Variants in PDCD6IP observed in about 807,000 individuals in gnomAD.
PDCD6IP encodes the protein programmed cell death 6 interacting protein, also known as programmed cell death 6-interacting protein.
PDCD6IP carries 43 observed loss-of-function variants against 103.7 expected under a neutral mutation model. The ratio of observed to expected loss-of-function variants is 0.41; its 90% CI spans 0.32 to 0.53. The LOEUF is 0.53. Ranked by LOEUF, PDCD6IP falls within the 20% of genes least tolerant of loss-of-function variation. The pLI, the probability that PDCD6IP is intolerant of heterozygous loss-of-function variation, is 0.16. For synonymous variants in PDCD6IP, 354 were observed against 378.7 expected, an observed-to-expected ratio of 0.93 and a Z score of 0.76; for missense variants, 871 against 1,036.7, an observed-to-expected ratio of 0.84 and a Z score of 2.20.
Position 33,852,741 on chromosome 3 carries a change from A to G in PDCD6IP, c.1890+5A>G. The G allele has an allele frequency of 1.3e-6, 2 of 1,581,656 alleles. No individual in the cohort carries two copies. Among genetic ancestry groups the G allele is most frequent in the Non-Finnish European group, 1.7e-6 (2 of 1,169,352 alleles). Reference sequence around the variant, plus strand: ...GGACTTCTTAAAAATATTCAGGTGAAATTTATATATTTAATAAGATCTGTG... The same window carrying G: ...GGACTTCTTAAAAATATTCAGGTGAGATTTATATATTTAATAAGATCTGTG... On this transcript the variant is annotated splice_donor_5th_base_variant and intron_variant, in intron 13 of 17. Transcript: ENST00000307296.
chr3:33,862,016 G>A (rs141098115), intron 15 of PDCD6IP, among the ~76,000 whole-genome samples: 1 of 151,988 alleles, frequency 6.6e-6, no homozygotes, highest in East Asian at 1.9e-4. Context: ...TAATAGCATT[G>A]ATTTATATCT....
At position 33,828,969 on chromosome 3, in the gene PDCD6IP, G is replaced by A. The variant is rs1236610377; in HGVS notation, c.834G>A (p.Gln278=). 1 of 1,597,436 alleles carries A rather than the reference G, an allele frequency of 6.3e-7. No individual in the cohort carries two copies. Among genetic ancestry groups the A allele is most frequent in the Non-Finnish European group, 8.5e-7 (1 of 1,171,730 alleles). ...TTGGAGAAGAAATTGCAAGGTTACA[G>A]GTGAGTCTCTTGGTAATAAATATTT... ...KKFGEEIARL[Q]HAAELIKTVA... The change falls in exon 7 of 18, where the codon CAG becomes CAA. Residue 278 remains glutamine (Q), a splice_region_variant and synonymous_variant. Coordinates refer to ENST00000307296, the MANE Select transcript of PDCD6IP (RefSeq NM_013374.6).
chr3:33,805,646 C>G (rs1696578318), intron 1 of PDCD6IP, among the ~76,000 whole-genome samples: 1 of 151,380 alleles, frequency 6.6e-6, no homozygotes, highest in Non-Finnish European at 1.5e-5. Context: ...TCTTGAACTC[C>G]TGAACTCAAG....
intron 1 of PDCD6IP, among the ~76,000 whole-genome samples, chr3:33,810,039 C>CT (rs1301145700): frequency 6.6e-6 from 1 of 152,092 alleles, no homozygotes; most frequent in East Asian, 1.9e-4. Flanking sequence ...AGTTAATAAG[C>CT]TTGTTGTACT....
intron 1 of PDCD6IP, 163 bp downstream of exon 1, chr3:33,799,100 A>C: frequency 1.4e-6 from 1 of 697,074 alleles, no homozygotes; most frequent in Non-Finnish European, 2.3e-6. Context: ...GGTGAGCAGG[A>C]CCCGCCCTGC....
In PDCD6IP at chr3:33,865,355, C is replaced by T. The variant is rs1698040913; in HGVS notation, c.2357C>T (p.Pro786Leu). 6.2e-7 allele frequency: 1 copy of T among 1,601,576 alleles called. No individual in the cohort carries two copies. The highest frequency in any genetic ancestry group is 1.4e-5 in the African/African-American group (1 of 73,854). Reference protein sequence around the residue: ...PVGAGTAAPAPSQTPGSAPPP... With the variant: ...PVGAGTAAPALSQTPGSAPPP... ...GGGGCTGGGACTGCTGCGCCAGCTCCATCACAAACGCCTGGCTCAGCTCCT... is the reference window on the plus strand; with the variant it reads ...GGGGCTGGGACTGCTGCGCCAGCTCTATCACAAACGCCTGGCTCAGCTCCT... Residue 786 changes from proline (P) to leucine (L), a missense_variant, in exon 17 of 18, where the codon CCA (proline) becomes CTA (leucine). By Grantham distance (98) the Pro-to-Leu change is moderately conservative. This residue lies in a region of PDCD6IP where 202 missense variants were observed against 205.2 expected (regional missense o/e 0.98). Coordinates refer to ENST00000307296, the MANE Select transcript of PDCD6IP (RefSeq NM_013374.6).
intron 9 of PDCD6IP, among the ~76,000 whole-genome samples, chr3:33,839,464 G>GGGCAGTATTCCATTTTATGGTTATAC (rs200198244): frequency 1.3e-5 from 2 of 151,896 alleles, no homozygotes; most frequent in South Asian, 2.1e-4. Context: ...TATGGTTATA[G>GGGCAGTATTCCATTTTATGGTTATAC]GGCAGTATTC....
chr3:33,805,375 T>G (rs1696571425), intron 1 of PDCD6IP, among the ~76,000 whole-genome samples: 1 of 151,716 alleles, frequency 6.6e-6, no homozygotes, highest in South Asian at 2.1e-4. Flanking sequence ...AAAAAATTTT[T>G]TTTTCCTTTT....
intron 3 of PDCD6IP, among the ~76,000 whole-genome samples, chr3:33,817,221 CAG>C (rs1488163629): frequency 1.3e-5 from 2 of 152,166 alleles, no homozygotes; most frequent in Non-Finnish European, 2.9e-5. Flanking sequence ...ATACAGAACT[CAG>C]AGTAATTCCT....
At chr3:33,823,869 T>G (rs1697051035) in intron 4 of PDCD6IP, among the ~76,000 whole-genome samples, 1 of 152,176 alleles carries the variant, frequency 6.6e-6, no homozygotes, top group Admixed American at 6.5e-5. Flanking sequence ...AGTTAGTATA[T>G]GAGATTTTAG....
chr3:33,843,712 A>C (rs1409984508), intron 10 of PDCD6IP, among the ~76,000 whole-genome samples: 1 of 151,982 alleles, frequency 6.6e-6, no homozygotes, highest in African/African-American at 2.4e-5. Flanking sequence ...AATATATTAA[A>C]CATAATTTTC....
At chr3:33,837,651 C>G (rs1382862589) in intron 8 of PDCD6IP, among the ~76,000 whole-genome samples, 5 of 151,136 alleles carry the variant, frequency 3.3e-5, no homozygotes, top group African/African-American at 4.9e-5. Flanking sequence ...TGCAGTGGTG[C>G]AATCTCGGCT....
At position 33,826,590 on chromosome 3, in the gene PDCD6IP, T is replaced by A; in HGVS notation, c.717+10T>A. On this transcript the variant is annotated intron_variant, in intron 6 of 17. Transcript: ENST00000307296. ...AGATACTCTCCCCAAGGTCAGTTAT[T>A]GTTTTTATAAACACTTGCTTACTTT... 6.2e-7 allele frequency: 1 copy of A among 1,611,424 alleles called. No homozygotes were observed. The highest frequency in any genetic ancestry group is 8.5e-7 in the Non-Finnish European group (1 of 1,177,970).
At chr3:33,835,401 T>C in intron 7 of PDCD6IP, 1 of 435,890 alleles carries the variant, frequency 2.3e-6, no homozygotes. Flanking sequence ...TTTTAATTGC[T>C]AATTCTTTGG....
chr3:33,802,167 A>G (rs1490837352), intron 1 of PDCD6IP, among the ~76,000 whole-genome samples: 2 of 152,196 alleles, frequency 1.3e-5, no homozygotes, highest in African/African-American at 2.4e-5. Flanking sequence ...TATTGTTCTC[A>G]GGTCCAGGTT....
Position 33,869,118 on chromosome 3 carries a change from C to T in PDCD6IP, c.*2593C>T, listed in dbSNP as rs980638479. 6.6e-6 allele frequency: 1 copy of T among 152,200 alleles called. No individual in the cohort carries two copies. Among genetic ancestry groups the T allele is most frequent in the Non-Finnish European group, 1.5e-5 (1 of 68,044 alleles). 9.4% of individuals were successfully genotyped at this position (152,200 alleles called of 1,614,324 possible). Reference sequence around the variant, plus strand: ...CTAAAGTTCTGTCCCAGTCAGCAGTCTTTATAGTCCAAACAGATTATAAAA... The same window carrying T: ...CTAAAGTTCTGTCCCAGTCAGCAGTTTTTATAGTCCAAACAGATTATAAAA... On this transcript the variant is annotated 3_prime_UTR_variant, in exon 18 of 18. Coordinates refer to ENST00000307296, the MANE Select transcript of PDCD6IP (RefSeq NM_013374.6).
chr3:33,825,470 A>G, intron 5 of PDCD6IP, 130 bp downstream of exon 5: 2 of 719,568 alleles, frequency 2.8e-6, no homozygotes, highest in Non-Finnish European at 4.3e-6. Flanking sequence ...AATTATGGAA[A>G]ATTTTCAGCT....
At chr3:33,825,466 G>A in intron 5 of PDCD6IP, 126 bp downstream of exon 5, 2 of 785,894 alleles carry the variant, frequency 2.5e-6, no homozygotes, top group South Asian at 2.3e-5. Flanking sequence ...CATGAATTAT[G>A]GAAAATTTTC....
rs142126847 is a variant in PDCD6IP, at chr3:33,823,558, C to T, written c.462+1476C>T. ...CAGCACTGTGGGAGGCTGTGGTGTGCGGATCACGAGGTCAGGAGTTCCAGA... is the reference window on the plus strand; with the variant it reads ...CAGCACTGTGGGAGGCTGTGGTGTGTGGATCACGAGGTCAGGAGTTCCAGA... On this transcript the variant is annotated intron_variant, in intron 4 of 17. Coordinates refer to ENST00000307296, the MANE Select transcript of PDCD6IP (RefSeq NM_013374.6). Among the ~76,000 whole-genome samples the T allele has an allele frequency of 1.2e-4, 18 of 152,228 alleles. No homozygotes were observed. The East Asian group carries it at 1.9e-3, about 16-fold the overall frequency.
Sources: gnomAD v4.1 joint callset for allele counts (sites outside exome capture counted in the v4.1 genomes callset) on GRCh38, gnomAD v4.1.1 for gene constraint, gnomAD v4.1.1 regional missense constraint, MANE v1.5 for transcripts, NCBI Gene and HGNC (gene_info 2026-07-23, HGNC 2026-07-21) for gene names.